The following PHF21B variants were observed in gnomAD, a reference collection of about 807,000 sequenced individuals.
PHF21B encodes PHD finger protein 21B.
In PHF21B, 22 loss-of-function variants were observed where a neutral mutation model predicts 62.2. The observed-to-expected ratio is 0.35, with a 90% CI of 0.25 to 0.51. The LOEUF (loss-of-function observed/expected upper bound fraction) is 0.51, where lower values mean the gene tolerates loss of function less well. Ranked by LOEUF, PHF21B falls within the 20% of genes least tolerant of loss-of-function variation. The pLI is 0.97. For missense variants in PHF21B, 701 were observed against 707.9 expected, an observed-to-expected ratio of 0.99 and a Z score of 0.11; for synonymous variants, 341 against 314.7, an observed-to-expected ratio of 1.08 and a Z score of -0.88.
intron 3 of PHF21B, 111 bp downstream of exon 3, chr22:44,920,287 G>A (rs1242176008): frequency 8.6e-6 from 6 of 694,942 alleles, no homozygotes; most frequent in Admixed American, 3.5e-5. Context: ...GAGAGGGCAC[G>A]AGTTCCGCCT....
intron 6 of PHF21B, among the ~76,000 whole-genome samples, chr22:44,894,256 T>C (rs1434861726): frequency 2.0e-5 from 3 of 151,896 alleles, no homozygotes; most frequent in African/African-American, 2.4e-5. Flanking sequence ...ACAGCAGAGG[T>C]TGGGGAGAGG....
chr22:44,970,166 G>T (rs2072610143), intron 2 of PHF21B, among the ~76,000 whole-genome samples: 1 of 152,256 alleles, frequency 6.6e-6, no homozygotes, highest in Non-Finnish European at 1.5e-5. Flanking sequence ...CTCGATCCCA[G>T]GCCAGTAAGC....
intron 2 of PHF21B, among the ~76,000 whole-genome samples, chr22:44,964,021 C>T (rs2072475877): frequency 6.6e-6 from 1 of 152,226 alleles, no homozygotes; most frequent in South Asian, 2.1e-4. Context: ...GACCTTGGCC[C>T]CGTCCAGCTG....
chr22:44,950,584 T>C (rs1465641032), intron 2 of PHF21B, among the ~76,000 whole-genome samples: 2 of 152,150 alleles, frequency 1.3e-5, no homozygotes, highest in Non-Finnish European at 2.9e-5. Flanking sequence ...TGTTTTTTTT[T>C]TTCTTTTGAA....
intron 5 of PHF21B, among the ~76,000 whole-genome samples, chr22:44,896,505 C>A (rs933673122): frequency 6.6e-6 from 1 of 152,178 alleles, no homozygotes; most frequent in African/African-American, 2.4e-5. Context: ...TACACGTATT[C>A]AAATATACTT....
At chr22:44,964,660 T>C (rs1357386498) in intron 2 of PHF21B, among the ~76,000 whole-genome samples, 2 of 152,382 alleles carry the variant, frequency 1.3e-5, no homozygotes, top group East Asian at 3.9e-4. Flanking sequence ...GCGGCACAAG[T>C]TCCCATGTGA....
At chr22:44,961,846 AAAT>A (rs2072428718) in intron 2 of PHF21B, among the ~76,000 whole-genome samples, 1 of 39,066 alleles carries the variant, frequency 2.6e-5, no homozygotes, top group African/African-American at 2.4e-4. Context: ...CTCTGTCTCA[AAAT>A]AAATAAATAA....
At chr22:44,980,144 C>T (rs1369730302) in intron 2 of PHF21B, among the ~76,000 whole-genome samples, 2 of 150,188 alleles carry the variant, frequency 1.3e-5, no homozygotes, top group Non-Finnish European at 3.0e-5. Context: ...ACTGCATTTA[C>T]TCCATTTGCG....
At chr22:44,980,623 C>A (rs927310941) in intron 2 of PHF21B, among the ~76,000 whole-genome samples, 1 of 152,218 alleles carries the variant, frequency 6.6e-6, no homozygotes, top group African/African-American at 2.4e-5. Flanking sequence ...AAATTCAGGG[C>A]AGCTGCGAAG....
chr22:44,960,958 T>TTTC (rs201734009), intron 2 of PHF21B, among the ~76,000 whole-genome samples: 3,062 of 143,752 alleles, frequency 0.021, 138 homozygotes, highest in African/African-American at 0.076. Flanking sequence ...GTGAGTTGAT[T>TTTC]TTTTTTTTTT....
At chr22:44,968,362 G>A (rs1190042619) in intron 2 of PHF21B, among the ~76,000 whole-genome samples, 1 of 152,158 alleles carries the variant, frequency 6.6e-6, no homozygotes, top group Admixed American at 6.5e-5. Flanking sequence ...CTTGGGATAA[G>A]GCTGGGTACA....
At chr22:45,005,929 G>A (rs2073306486) in intron 2 of PHF21B, among the ~76,000 whole-genome samples, 1 of 152,156 alleles carries the variant, frequency 6.6e-6, no homozygotes, top group Admixed American at 6.5e-5. Flanking sequence ...GCTCTGGGGT[G>A]ACCAAGTAGA....
chr22:44,965,586 C>T (rs2072509639), intron 2 of PHF21B, among the ~76,000 whole-genome samples: 1 of 152,208 alleles, frequency 6.6e-6, no homozygotes, highest in South Asian at 2.1e-4. Context: ...TCCTCCCTGC[C>T]TCCTTTCCCA....
intron 2 of PHF21B, among the ~76,000 whole-genome samples, chr22:44,946,238 G>A (rs1260392064): frequency 6.8e-6 from 1 of 146,878 alleles, no homozygotes; most frequent in Non-Finnish European, 1.5e-5. Flanking sequence ...GGGGTGGGGA[G>A]GGATGCCAGA....
intron 5 of PHF21B, among the ~76,000 whole-genome samples, chr22:44,905,417 G>A (rs922729940): frequency 6.6e-6 from 1 of 151,988 alleles, no homozygotes; most frequent in African/African-American, 2.4e-5. Context: ...TTTGTGCTTC[G>A]TTATTCCTTA....
chr22:44,954,441 A>G (rs2072254223), intron 2 of PHF21B, among the ~76,000 whole-genome samples: 1 of 152,208 alleles, frequency 6.6e-6, no homozygotes, highest in South Asian at 2.1e-4. Context: ...TTCATTCCAT[A>G]AACAGCTACA....
intron 2 of PHF21B, among the ~76,000 whole-genome samples, chr22:44,925,227 T>A (rs2071606724): frequency 6.6e-6 from 1 of 152,232 alleles, no homozygotes. Context: ...ATTGTGGCAA[T>A]GGGTTCACAT....
rs1375409673 is a variant in PHF21B, at chr22:44,997,256, G to A, written c.120+11289C>T. Among the ~76,000 whole-genome samples, 3 of 152,100 alleles carry A rather than the reference G, an allele frequency of 2.0e-5. No homozygotes were observed. The East Asian group carries it at 5.8e-4, about 29-fold the overall frequency. ...CTCCTGCTTGGAGATGGCAGCCACA[G>A]GTGGCTCCTGGCAACTTTCCCTTGA... On this transcript the variant is annotated intron_variant, in intron 2 of 12. Coordinates refer to ENST00000313237, the MANE Select transcript of PHF21B (RefSeq NM_138415.5).
chr22:44,984,176 T>C (rs1459871926), intron 2 of PHF21B, among the ~76,000 whole-genome samples: 29 of 140,964 alleles, frequency 2.1e-4, no homozygotes, highest in Non-Finnish European at 2.7e-4. Flanking sequence ...ATCATCACCA[T>C]CACAACCACC....
Sources: allele counts gnomAD v4.1 joint callset (sites outside exome capture counted in the v4.1 genomes callset), GRCh38; gene constraint gnomAD v4.1.1; transcripts MANE v1.5; gene names NCBI Gene and HGNC (gene_info 2026-07-23, HGNC 2026-07-21).